The following XKR4 variants were observed in gnomAD, a reference collection of about 807,000 sequenced individuals.
XKR4 encodes the protein XK related 4.
XKR4 carries 12 observed loss-of-function variants against 53.9 expected under a neutral mutation model. That is an observed-to-expected ratio of 0.22 (90% confidence interval 0.14 to 0.36). The LOEUF is 0.36. Among genes scored for constraint, XKR4 ranks in the 10% least tolerant of loss-of-function variants. The probability of loss-of-function intolerance (pLI) is 1.00; values close to 1 mark genes in which losing one functional copy is unlikely to be tolerated. For synonymous variants in XKR4, 354 were observed against 362.4 expected, an observed-to-expected ratio of 0.98 and a Z score of 0.26; for missense variants, 799 against 859.5, an observed-to-expected ratio of 0.93 and a Z score of 0.88.
intron 1 of XKR4, among the ~76,000 whole-genome samples, chr8:55,194,598 G>T (rs1416053101): frequency 6.6e-6 from 1 of 152,198 alleles, no homozygotes; most frequent in Non-Finnish European, 1.5e-5. Flanking sequence ...GGATATGTGG[G>T]CTCAGACTTT....
At chr8:55,377,981 G>A (rs1804174721) in intron 2 of XKR4, among the ~76,000 whole-genome samples, 1 of 152,182 alleles carries the variant, frequency 6.6e-6, no homozygotes, top group Admixed American at 6.5e-5. Context: ...GATGCTCGAG[G>A]CAACCTGTTG....
At chr8:55,182,818 A>G (rs1200016254) in intron 1 of XKR4, among the ~76,000 whole-genome samples, 1 of 36,116 alleles carries the variant, frequency 2.8e-5, no homozygotes, top group Non-Finnish European at 4.6e-5. Context: ...AACTTAACAT[A>G]TACAAAAAAT....
chr8:55,115,498 T>C (rs2129351412), intron 1 of XKR4, among the ~76,000 whole-genome samples: 1 of 152,250 alleles, frequency 6.6e-6, no homozygotes, highest in East Asian at 1.9e-4. Context: ...TGAAAGTCCA[T>C]TATTTGCTGG....
intron 2 of XKR4, chr8:55,450,820 T>A: frequency 2.0e-6 from 1 of 498,450 alleles, no homozygotes; most frequent in Non-Finnish European, 3.8e-6. Context: ...GGTGGTGATG[T>A]CCCAGCCGTC....
At chr8:55,423,490 T>G (rs1053899575) in intron 2 of XKR4, among the ~76,000 whole-genome samples, 1 of 152,262 alleles carries the variant, frequency 6.6e-6, no homozygotes, top group African/African-American at 2.4e-5. Flanking sequence ...TATTCTGAAG[T>G]GTGAGCCATC....
chr8:55,379,423 T>C (rs1804200001), intron 2 of XKR4, among the ~76,000 whole-genome samples: 1 of 152,240 alleles, frequency 6.6e-6, no homozygotes, highest in South Asian at 2.1e-4. Flanking sequence ...AGAAATGCTC[T>C]TTTTAGTTTG....
In XKR4 at chr8:55,529,839, C is replaced by A. The variant is rs1227688698; in HGVS notation, c.*5612C>A. 1 of 151,998 alleles carries A rather than the reference C, an allele frequency of 6.6e-6. No homozygotes were observed. Among genetic ancestry groups the A allele is most frequent in the African/African-American group, 2.4e-5 (1 of 41,374 alleles). 9.4% of individuals were successfully genotyped at this position (151,998 alleles called of 1,614,324 possible). A position where few individuals can be genotyped will look rare whatever the true frequency, so the allele number is the denominator to read the frequency against. ...AATGAACAGTTAAAAATGTAAAAGT[C>A]GATGTAAAATGGAAGTCTCTATCAC... is the stretch of plus-strand genomic sequence containing the variant. On this transcript the variant is annotated 3_prime_UTR_variant, in exon 3 of 3. Coordinates refer to ENST00000327381, the MANE Select transcript of XKR4 (RefSeq NM_052898.2).
chr8:55,318,541 A>C (rs972511803), intron 1 of XKR4, among the ~76,000 whole-genome samples: 6 of 152,192 alleles, frequency 3.9e-5, no homozygotes. Context: ...GACCCAATCC[A>C]GGGAGAAAGC....
chr8:55,322,584 A>G (rs1232700086), intron 1 of XKR4, among the ~76,000 whole-genome samples: 1 of 152,212 alleles, frequency 6.6e-6, no homozygotes, highest in Admixed American at 6.5e-5. Context: ...AACAATTTAT[A>G]CTCCTACCAT....
intron 1 of XKR4, among the ~76,000 whole-genome samples, chr8:55,330,505 A>G (rs1016875083): frequency 1.3e-5 from 2 of 152,114 alleles, no homozygotes; most frequent in African/African-American, 4.8e-5. Flanking sequence ...ATGCTGTTTT[A>G]TTAAAAAAAA....
At chr8:55,333,337 G>A (rs1803407274) in intron 1 of XKR4, among the ~76,000 whole-genome samples, 1 of 152,136 alleles carries the variant, frequency 6.6e-6, no homozygotes, top group Non-Finnish European at 1.5e-5. Context: ...TGAACAAATA[G>A]CCACCCCTCT....
intron 1 of XKR4, among the ~76,000 whole-genome samples, chr8:55,332,646 G>C (rs1032022422): frequency 1.3e-5 from 2 of 151,944 alleles, no homozygotes; most frequent in Middle Eastern, 3.2e-3. Context: ...TGTCTGCAAG[G>C]TTTCAGCTAA....
At chr8:55,394,597 C>G (rs1051620470) in intron 2 of XKR4, among the ~76,000 whole-genome samples, 2 of 152,088 alleles carry the variant, frequency 1.3e-5, no homozygotes. Context: ...ACTGGCATGG[C>G]GAAATATCTT....
At chr8:55,404,150 A>T (rs527422859) in intron 2 of XKR4, among the ~76,000 whole-genome samples, 1 of 152,324 alleles carries the variant, frequency 6.6e-6, no homozygotes, top group East Asian at 1.9e-4. Context: ...CAAAATACGA[A>T]CACTGTTTCT....
chr8:55,433,273 C>T (rs1201509196), intron 2 of XKR4, among the ~76,000 whole-genome samples: 1 of 152,132 alleles, frequency 6.6e-6, no homozygotes, highest in Non-Finnish European at 1.5e-5. Context: ...AACTATAACA[C>T]ACCAAGGAGA....
intron 1 of XKR4, among the ~76,000 whole-genome samples, chr8:55,302,747 T>C (rs893141092): frequency 2.0e-5 from 3 of 152,206 alleles, no homozygotes; most frequent in African/African-American, 7.2e-5. Context: ...TATTTTATTC[T>C]CTTTGAAGCA....
intron 2 of XKR4, among the ~76,000 whole-genome samples, chr8:55,478,495 T>G (rs1184989832): frequency 6.6e-6 from 1 of 151,830 alleles, no homozygotes; most frequent in African/African-American, 2.4e-5. Context: ...CATCAACTAA[T>G]GAGCAAAATA....
chr8:55,188,442 T>C (rs971246817), intron 1 of XKR4, among the ~76,000 whole-genome samples: 2 of 152,184 alleles, frequency 1.3e-5, no homozygotes, highest in Non-Finnish European at 2.9e-5. Context: ...AAGTAATCCT[T>C]AGTCATTAAA....
At chr8:55,174,823 C>T (rs1317613265) in intron 1 of XKR4, among the ~76,000 whole-genome samples, 1 of 152,154 alleles carries the variant, frequency 6.6e-6, no homozygotes, top group Non-Finnish European at 1.5e-5. Flanking sequence ...GATTCGGTGG[C>T]ACCAGAAACA....
Sources: allele counts gnomAD v4.1 joint callset (sites outside exome capture counted in the v4.1 genomes callset), GRCh38; gene constraint gnomAD v4.1.1; transcripts MANE v1.5; gene names NCBI Gene and HGNC (gene_info 2026-07-23, HGNC 2026-07-21).